Variants in KIAA1958 observed in about 807,000 individuals in gnomAD.
KIAA1958 encodes the protein uncharacterized protein KIAA1958.
In KIAA1958, 14 loss-of-function variants were observed where a neutral mutation model predicts 47.2. The ratio of observed to expected loss-of-function variants is 0.30; its 90% CI spans 0.20 to 0.46. The LOEUF (loss-of-function observed/expected upper bound fraction) is 0.46, where lower values mean the gene tolerates loss of function less well. Ranked by LOEUF, KIAA1958 falls within the 20% of genes least tolerant of loss-of-function variation. The pLI, the probability that KIAA1958 is intolerant of heterozygous loss-of-function variation, is 1.00. For missense variants in KIAA1958, 803 were observed against 909.2 expected (o/e 0.88, Z 1.50); for synonymous variants, 354 against 353.3 (o/e 1.00, Z -0.02).
chr9:112,493,917 C>T (rs545322122), intron 1 of KIAA1958, among the ~76,000 whole-genome samples: 1 of 152,330 alleles, frequency 6.6e-6, no homozygotes, highest in South Asian at 2.1e-4. Context: ...TTATGGATCA[C>T]TGGTTTCCCT....
chr9:112,604,841 A>T (rs1836197730), intron 2 of KIAA1958, among the ~76,000 whole-genome samples: 1 of 150,776 alleles, frequency 6.6e-6, no homozygotes, highest in South Asian at 2.1e-4. Flanking sequence ...GGATTCACAG[A>T]TGACAAAGAC....
chr9:112,659,593 G>A lies in KIAA1958; in HGVS notation c.1675G>A (p.Val559Met). The change falls in exon 4 of 4, where the codon GTG becomes ATG. Residue 559 changes from valine to methionine, a missense_variant. Transcript: ENST00000337530. ...DDSPITLLST[V>M]VKYNSQYLNM... ...CAGCCCTATCACTCTCCTGTCCACT[G>A]TGGTCAAGTACAACAGCCAGTACCT... 5 of 1,613,698 alleles carry A rather than the reference G, an allele frequency of 3.1e-6. No individual in the cohort carries two copies. The highest frequency in any genetic ancestry group is 4.2e-6 in the Non-Finnish European group (5 of 1,179,818).
intron 2 of KIAA1958, among the ~76,000 whole-genome samples, chr9:112,582,931 C>G (rs962883894): frequency 6.6e-6 from 1 of 152,136 alleles, no homozygotes; most frequent in Non-Finnish European, 1.5e-5. Context: ...TTGAATGAAT[C>G]TCTCTGAAAA....
chr9:112,637,593 G>A (rs1278257816), intron 2 of KIAA1958, among the ~76,000 whole-genome samples: 1 of 151,910 alleles, frequency 6.6e-6, no homozygotes. Flanking sequence ...GGCCAGGCTG[G>A]TCTCGAACTC....
At chr9:112,615,416 T>C (rs1290466551) in intron 2 of KIAA1958, among the ~76,000 whole-genome samples, 1 of 107,232 alleles carries the variant, frequency 9.3e-6, no homozygotes, top group African/African-American at 2.8e-5. Context: ...CAAGGCTCCG[T>C]CTCAAAAAAA....
intron 1 of KIAA1958, among the ~76,000 whole-genome samples, chr9:112,506,418 TACA>T (rs1424314730): frequency 1.3e-5 from 2 of 152,214 alleles, no homozygotes; most frequent in Non-Finnish European, 2.9e-5. Flanking sequence ...ATCACGCCAC[TACA>T]CTCTAGCCTG....
At position 112,574,502 on chromosome 9, in the gene KIAA1958, AGAAC is replaced by A; in HGVS notation, c.423_426del (p.Asn142ProfsTer35). Reference sequence around the variant, plus strand: ...GAAACTGTTGAAGAATATGAAGATGAGAACACCCTGTTTGACATGGTTTGTGAGT... The same window carrying A: ...GAAACTGTTGAAGAATATGAAGATGAACCCTGTTTGACATGGTTTGTGAGT... On this transcript the variant is annotated frameshift_variant, in exon 2 of 4. Transcript: ENST00000337530. LOFTEE classifies it high-confidence loss of function. 6.2e-7 allele frequency: 1 copy of A among 1,614,188 alleles called. No individual in the cohort carries two copies.
chr9:112,591,959 T>G (rs1835930720), intron 2 of KIAA1958, among the ~76,000 whole-genome samples: 1 of 152,064 alleles, frequency 6.6e-6, no homozygotes, highest in Non-Finnish European at 1.5e-5. Context: ...GGGAAAGGGG[T>G]TCTTATCCCT....
chr9:112,605,648 T>A (rs1836219349), intron 2 of KIAA1958, among the ~76,000 whole-genome samples: 2 of 152,176 alleles, frequency 1.3e-5, no homozygotes, highest in South Asian at 4.1e-4. Context: ...CCCAGTGGGC[T>A]TTCAAAACCT....
intron 1 of KIAA1958, among the ~76,000 whole-genome samples, chr9:112,504,440 C>T (rs1161756122): frequency 6.6e-6 from 1 of 152,192 alleles, no homozygotes; most frequent in Non-Finnish European, 1.5e-5. Flanking sequence ...CCACCGGCCT[C>T]GGCCTCCCGA....
intron 2 of KIAA1958, among the ~76,000 whole-genome samples, chr9:112,626,294 T>C (rs1328330188): frequency 6.6e-6 from 1 of 152,210 alleles, no homozygotes; most frequent in Admixed American, 6.5e-5. Context: ...TTCACAAATT[T>C]TTATTTTACA....
intron 1 of KIAA1958, among the ~76,000 whole-genome samples, chr9:112,553,701 A>G (rs1393423831): frequency 6.6e-6 from 1 of 152,182 alleles, no homozygotes; most frequent in African/African-American, 2.4e-5. Flanking sequence ...AGACATTTCT[A>G]AATAGGTCAA....
chr9:112,515,646 C>T (rs1023714101), intron 1 of KIAA1958, among the ~76,000 whole-genome samples: 12 of 58,872 alleles, frequency 2.0e-4, no homozygotes, highest in Non-Finnish European at 4.0e-4. Context: ...GGATTAAGGG[C>T]GGTGCAAGAT....
At chr9:112,556,287 C>A (rs935269053) in intron 1 of KIAA1958, among the ~76,000 whole-genome samples, 1 of 152,176 alleles carries the variant, frequency 6.6e-6, no homozygotes, top group Non-Finnish European at 1.5e-5. Flanking sequence ...CTCTACCACG[C>A]CTCCATACCC....
Position 112,659,785 on chromosome 9 carries a change from C to A in KIAA1958, c.1867C>A (p.Arg623=), listed in dbSNP as rs781574337. The stretch of plus-strand genomic sequence containing the variant: ...CGGGAAGATCTACCATGAGCATTCC[C>A]GGGGACACAAACAGTGCCCTTACTG... The part of the protein sequence containing the change: ...CHGKIYHEHS[R]GHKQCPYCLL... Residue 623 remains arginine (R), a synonymous_variant, in exon 4 of 4, where the codon CGG becomes AGG. Coordinates refer to ENST00000337530, the MANE Select transcript of KIAA1958 (RefSeq NM_133465.4). The A allele has an allele frequency of 1.2e-6, 2 of 1,614,022 alleles. No homozygotes were observed. Among genetic ancestry groups the A allele is most frequent in the Admixed American group, 1.7e-5 (1 of 60,000 alleles).
intron 2 of KIAA1958, among the ~76,000 whole-genome samples, chr9:112,624,392 T>C (rs907228433): frequency 3.3e-5 from 5 of 152,218 alleles, no homozygotes; most frequent in Non-Finnish European, 5.9e-5. Context: ...TAACATGATA[T>C]TGAGTGCATA....
chr9:112,512,834 T>C (rs1318666211), intron 1 of KIAA1958, among the ~76,000 whole-genome samples: 3 of 151,296 alleles, frequency 2.0e-5, no homozygotes, highest in African/African-American at 7.3e-5. Context: ...TAGGTGTTTT[T>C]TTTGTTTTGA....
chr9:112,576,893 G>T (rs1175743567), intron 2 of KIAA1958, among the ~76,000 whole-genome samples: 1 of 152,012 alleles, frequency 6.6e-6, no homozygotes, highest in African/African-American at 2.4e-5. Flanking sequence ...TGGTAACTTT[G>T]TATTTAACTT....
chr9:112,502,204 A>G (rs1050956023), intron 1 of KIAA1958, among the ~76,000 whole-genome samples: 12 of 152,262 alleles, frequency 7.9e-5, no homozygotes. Context: ...CAAAAGATGA[A>G]CATATCAATA....
Sources: allele counts gnomAD v4.1 joint callset (sites outside exome capture counted in the v4.1 genomes callset), GRCh38; gene constraint gnomAD v4.1.1; transcripts MANE v1.5; gene names NCBI Gene and HGNC (gene_info 2026-07-23, HGNC 2026-07-21).